Variants in MROH2B observed in about 807,000 individuals in gnomAD.
The protein encoded by MROH2B is maestro heat like repeat family member 2B.
A neutral mutation model predicts 208.6 loss-of-function variants in MROH2B; 177 were observed. The ratio of observed to expected loss-of-function variants is 0.85; its 90% CI spans 0.75 to 0.96. MROH2B has a LOEUF of 0.96. Ranked by LOEUF, MROH2B falls within the 40% of genes least tolerant of loss-of-function variation. The pLI is 0.00. For synonymous variants in MROH2B, 728 were observed against 659.0 expected, an observed-to-expected ratio of 1.10 and a Z score of -1.60; for missense variants, 2,002 against 1,878.7, an observed-to-expected ratio of 1.07 and a Z score of -1.21.
At chr5:41,065,929 C>A (rs186041909) in intron 3 of MROH2B, among the ~76,000 whole-genome samples, 5 of 152,232 alleles carry the variant, frequency 3.3e-5, no homozygotes, top group African/African-American at 1.2e-4. Flanking sequence ...GTTACAAAAC[C>A]ATAGTGAGAA....
rs1342352605 is a variant in MROH2B at position 41,015,469 on chromosome 5, A to C, written c.2894T>G (p.Leu965Trp). The C allele has an allele frequency of 1.9e-6, 3 of 1,613,440 alleles. No individual in the cohort carries two copies. In the East Asian group the frequency reaches 6.7e-5, roughly 36 times the overall value. The stretch of plus-strand genomic sequence containing the variant: ...CAAACCCTGCAGTCTTTCCACTTCC[A>C]AGTGAATGCCTAAAATCAACAAAGT... ...IGLFYIKGIH[L>W]EVERLQGLQE... The change falls in exon 29 of 42, where the codon TTG (leucine) becomes TGG (tryptophan). Residue 965 changes from leucine to tryptophan, a missense_variant. By Grantham distance (61) the Leu-to-Trp change is moderately conservative. Coordinates refer to ENST00000399564, the MANE Select transcript of MROH2B (RefSeq NM_173489.5).
At chr5:41,010,146 A>C in intron 30 of MROH2B, 67 bp from the exon 31 acceptor site, 1 of 1,493,860 alleles carries the variant, frequency 6.7e-7, no homozygotes, top group Admixed American at 2.0e-5. Context: ...GACTCAGAAC[A>C]GGTATCTGTC....
intron 5 of MROH2B, among the ~76,000 whole-genome samples, chr5:41,062,799 T>C (rs1181679503): frequency 6.6e-6 from 1 of 152,192 alleles, no homozygotes; most frequent in African/African-American, 2.4e-5. Context: ...AAGAATCTCT[T>C]ACTATACTTT....
intron 32 of MROH2B, 140 bp downstream of exon 32, chr5:41,009,139 AC>A: frequency 5.0e-6 from 6 of 1,190,674 alleles, no homozygotes; most frequent in Non-Finnish European, 6.9e-6. Context: ...AAGTAGAGCC[AC>A]AACTATAAAC....
chr5:41,027,192 T>C (rs1742395533), intron 24 of MROH2B, among the ~76,000 whole-genome samples: 1 of 152,162 alleles, frequency 6.6e-6, no homozygotes, highest in South Asian at 2.1e-4. Context: ...ACAAATGGGA[T>C]CTAGTTAAAC....
rs556340271 is a variant in MROH2B at position 41,027,393 on chromosome 5, C to A, written c.2441+5349G>T. On this transcript the variant is annotated intron_variant, in intron 24 of 41. Coordinates refer to ENST00000399564, the MANE Select transcript of MROH2B (RefSeq NM_173489.5). The stretch of plus-strand genomic sequence containing the variant: ...AGTGGGCAAAGGATATGAACAGACA[C>A]TTCTCAAAAGAAGACATTTATGCAG... 5.6e-4 allele frequency among the ~76,000 whole-genome samples: 86 copies of A among 152,292 alleles called. 1 individual carries two copies. Among genetic ancestry groups the A allele is most frequent in the African/African-American group, 2.0e-3 (84 of 41,546 alleles).
intron 30 of MROH2B, among the ~76,000 whole-genome samples, chr5:41,010,791 C>T (rs915668908): frequency 1.3e-5 from 2 of 151,988 alleles, no homozygotes; most frequent in African/African-American, 4.8e-5. Context: ...TGGGTGATAG[C>T]GATGTGTCAA....
intron 13 of MROH2B, 134 bp downstream of exon 13, chr5:41,050,843 A>G (rs977368586): frequency 6.5e-6 from 4 of 616,168 alleles, no homozygotes; most frequent in Admixed American, 7.5e-5. Context: ...ACAGCGTTGC[A>G]ATATACTTCC....
At chr5:41,018,206 T>C (rs186654082) in intron 27 of MROH2B, 135 bp downstream of exon 27, 3 of 1,018,608 alleles carry the variant, frequency 2.9e-6, no homozygotes, top group Admixed American at 5.5e-5. Context: ...GTTAGATCTC[T>C]CTCCAAAAGT....
intron 4 of MROH2B, 140 bp downstream of exon 4, chr5:41,065,191 T>G: frequency 1.1e-6 from 1 of 891,470 alleles, no homozygotes; most frequent in Non-Finnish European, 1.6e-6. Flanking sequence ...TTTAAACAGC[T>G]GCCCACATCC....
intron 34 of MROH2B, among the ~76,000 whole-genome samples, chr5:41,006,976 C>T (rs1354201321): frequency 6.6e-6 from 1 of 150,934 alleles, no homozygotes; most frequent in Non-Finnish European, 1.5e-5. Flanking sequence ...CCCCAAAAAC[C>T]TACTGAAATA....
intron 7 of MROH2B, 51 bp from the exon 8 acceptor site, chr5:41,057,411 G>C: frequency 7.3e-7 from 1 of 1,369,894 alleles, no homozygotes; most frequent in Non-Finnish European, 1.0e-6. Flanking sequence ...GGAAGCAGCT[G>C]CACAGGATGT....
intron 35 of MROH2B, 52 bp from the exon 36 acceptor site, chr5:41,004,972 T>C: frequency 6.3e-7 from 1 of 1,586,628 alleles, no homozygotes; most frequent in Non-Finnish European, 8.6e-7. Flanking sequence ...GGCCCCTCCT[T>C]CAGGAGAGTG....
intron 24 of MROH2B, among the ~76,000 whole-genome samples, chr5:41,028,980 G>A (rs375017034): frequency 3.9e-5 from 6 of 151,944 alleles, no homozygotes; most frequent in Non-Finnish European, 5.9e-5. Flanking sequence ...TTTCCTTTGG[G>A]TATATACACA....
chr5:41,057,260 C>G lies in MROH2B; in HGVS notation c.849+8G>C. ...TAAAAATTGGAGTTGACAGCATGGT[C>G]TTCTTACCTGCTGGAGTAAATTGAT... On this transcript the variant is annotated splice_region_variant and intron_variant, in intron 8 of 41. Coordinates refer to ENST00000399564, the MANE Select transcript of MROH2B (RefSeq NM_173489.5). The G allele has an allele frequency of 1.2e-6, 2 of 1,605,620 alleles. No homozygotes were observed. Among genetic ancestry groups the G allele is most frequent in the Non-Finnish European group, 1.7e-6 (2 of 1,175,558 alleles).
At chr5:41,070,056 G>A (rs73092307) in intron 1 of MROH2B, among the ~76,000 whole-genome samples, 3,812 of 152,244 alleles carry the variant, frequency 0.025, 158 homozygotes, top group African/African-American at 0.087. Context: ...CTCTCTTGCA[G>A]GATTTAGCTC....
At chr5:41,044,834 T>C (rs747721122) in intron 18 of MROH2B, among the ~76,000 whole-genome samples, 4 of 152,186 alleles carry the variant, frequency 2.6e-5, no homozygotes, top group Non-Finnish European at 5.9e-5. Context: ...AACTTATGAA[T>C]GGTATTAGCA....
At chr5:41,045,294 CG>C (rs1743081788) in intron 18 of MROH2B, among the ~76,000 whole-genome samples, 1 of 152,136 alleles carries the variant, frequency 6.6e-6, no homozygotes, top group South Asian at 2.1e-4. Flanking sequence ...TTTCTTTGGG[CG>C]CCCTTTCCTA....
rs1376175 is a variant in MROH2B at position 40,999,798 on chromosome 5, T to A, written c.4483-19A>T. ...TCTTGGCCTAGAAGAGATGTGAATT[T>A]CAAAGAGGGCAACTGGAAAGTGAAC... On this transcript the variant is annotated intron_variant, in intron 39 of 41. Coordinates refer to ENST00000399564, the MANE Select transcript of MROH2B (RefSeq NM_173489.5). The A allele has an allele frequency of 0.44, 700,697 of 1,604,068 alleles. 155,012 individuals are homozygous for A. The highest frequency in any genetic ancestry group is 0.52 in the African/African-American group (38,754 of 74,702).
Sources: gnomAD v4.1 joint callset for allele counts (sites outside exome capture counted in the v4.1 genomes callset) on GRCh38, gnomAD v4.1.1 for gene constraint, MANE v1.5 for transcripts, NCBI Gene and HGNC (gene_info 2026-07-23, HGNC 2026-07-21) for gene names.